PARD3B: variants seen among roughly 807,000 people sequenced by gnomAD.
PARD3B encodes partitioning defective 3 homolog B.
A neutral mutation model predicts 130.2 loss-of-function variants in PARD3B; 103 were observed. The observed-to-expected ratio is 0.79, with a 90% confidence interval of 0.67 to 0.93. The LOEUF is 0.93. Ranked by LOEUF, PARD3B falls within the 40% of genes least tolerant of loss-of-function variation. The pLI is 0.00. For synonymous variants in PARD3B, 583 were observed against 553.2 expected (o/e 1.05, Z -0.76); for missense variants, 1,609 against 1,499.2 (o/e 1.07, Z -1.21).
chr2:204,615,758 T>C (rs1402905627), intron 1 of PARD3B, among the ~76,000 whole-genome samples: 5 of 152,204 alleles, frequency 3.3e-5, no homozygotes, highest in Non-Finnish European at 5.9e-5. Flanking sequence ...ATGAAAAAAC[T>C]ACTGGTTCAG....
At chr2:204,613,164 TA>T (rs1171711866) in intron 1 of PARD3B, among the ~76,000 whole-genome samples, 7 of 147,820 alleles carry the variant, frequency 4.7e-5, no homozygotes, top group Non-Finnish European at 9.1e-5. Flanking sequence ...TCTCAGGAGA[TA>T]TATTTTTTTT....
chr2:205,115,356 T>C (rs967639873), intron 6 of PARD3B, among the ~76,000 whole-genome samples: 8 of 152,110 alleles, frequency 5.3e-5, no homozygotes, highest in African/African-American at 1.9e-4. Flanking sequence ...TCCCCTAAAC[T>C]TGCCCCTTTT....
rs145718561 is a variant in PARD3B at position 204,822,732 on chromosome 2, G to A, written c.222+136450G>A. Among the ~76,000 whole-genome samples, 66 of 152,252 alleles carry A rather than the reference G, an allele frequency of 4.3e-4. 1 individual carries two copies. The highest frequency in any genetic ancestry group is 6.8e-3 in the Middle Eastern group (2 of 294). On this transcript the variant is annotated intron_variant, in intron 2 of 22. Coordinates refer to ENST00000406610, the MANE Select transcript of PARD3B (RefSeq NM_001302769.2). ...TAAAAGGTGTCCCATGCTGTGAAAT[G>A]TGGAACATATTTTTCCTACTTACTT...
chr2:205,390,069 A>G (rs936678471), intron 18 of PARD3B, among the ~76,000 whole-genome samples: 2 of 151,232 alleles, frequency 1.3e-5, no homozygotes, highest in African/African-American at 4.9e-5. Flanking sequence ...AAGAATTAAT[A>G]TAATAACTCT....
intron 2 of PARD3B, among the ~76,000 whole-genome samples, chr2:204,909,128 T>A (rs2047141625): frequency 6.6e-6 from 1 of 152,118 alleles, no homozygotes. Flanking sequence ...ACCATGCAGA[T>A]CATCAACCTT....
intron 16 of PARD3B, among the ~76,000 whole-genome samples, chr2:205,257,006 C>G (rs897594952): frequency 2.6e-5 from 4 of 152,000 alleles, no homozygotes; most frequent in African/African-American, 4.8e-5. Flanking sequence ...AAAACTTAGT[C>G]CTAGTAATTT....
chr2:205,430,395 A>C (rs849243), intron 19 of PARD3B, among the ~76,000 whole-genome samples: 140,313 of 152,254 alleles, frequency 0.92, 64,794 homozygotes, highest in East Asian at 0.99. Flanking sequence ...AAGCCTCCAG[A>C]TGCACTGTCC....
rs565058835 is a variant in PARD3B at position 205,175,671 on chromosome 2, TA to T, written c.1792-773del. Among the ~76,000 whole-genome samples the T allele has an allele frequency of 1.7e-4, 26 of 152,280 alleles. No homozygotes were observed. The South Asian group carries it at 5.2e-3, about 30-fold the overall frequency. ...AATCATTTACCTCCTTAAAATCTGTTATTGAGACAAATAATACGAACAAGAG... is the reference window on the plus strand; with the variant it reads ...AATCATTTACCTCCTTAAAATCTGTTTTGAGACAAATAATACGAACAAGAG... On this transcript the variant is annotated intron_variant, in intron 12 of 22. Coordinates refer to ENST00000406610, the MANE Select transcript of PARD3B (RefSeq NM_001302769.2).
At chr2:205,257,396 T>C (rs2040135729) in intron 16 of PARD3B, among the ~76,000 whole-genome samples, 1 of 152,066 alleles carries the variant, frequency 6.6e-6, no homozygotes. Flanking sequence ...AGTTTGGTTT[T>C]AGTTTTGTAA....
At chr2:205,408,732 T>C (rs2046494705) in intron 19 of PARD3B, among the ~76,000 whole-genome samples, 1 of 152,202 alleles carries the variant, frequency 6.6e-6, no homozygotes, top group Non-Finnish European at 1.5e-5. Flanking sequence ...ATTTAAACTG[T>C]TGAAAACACC....
intron 18 of PARD3B, among the ~76,000 whole-genome samples, chr2:205,306,960 G>A (rs762136018): frequency 3.8e-4 from 58 of 152,314 alleles, no homozygotes; most frequent in Middle Eastern, 3.4e-3. Flanking sequence ...TTTTAAGTAT[G>A]TATTATTTTT....
At chr2:205,184,507 C>T (rs989835560) in intron 13 of PARD3B, among the ~76,000 whole-genome samples, 10 of 152,056 alleles carry the variant, frequency 6.6e-5, no homozygotes, top group Non-Finnish European at 1.3e-4. Flanking sequence ...CTTTGGGAGG[C>T]GGAGATGAGT....
chr2:204,916,635 A>G (rs2047456190), intron 2 of PARD3B, among the ~76,000 whole-genome samples: 1 of 152,154 alleles, frequency 6.6e-6, no homozygotes, highest in Non-Finnish European at 1.5e-5. Flanking sequence ...TTCATTGTCT[A>G]AAGATGTAGT....
At chr2:205,354,026 CTT>C (rs869308018) in intron 18 of PARD3B, among the ~76,000 whole-genome samples, 12 of 50,354 alleles carry the variant, frequency 2.4e-4, no homozygotes, top group Admixed American at 1.1e-3. Context: ...TTTTCTTTTC[CTT>C]TTTTTTTTTT....
chr2:205,106,189 C>G (rs1703196485), intron 5 of PARD3B, among the ~76,000 whole-genome samples: 1 of 151,410 alleles, frequency 6.6e-6, no homozygotes, highest in Admixed American at 6.6e-5. Context: ...CTCTTGTTAC[C>G]CAGGCTGGAG....
intron 1 of PARD3B, among the ~76,000 whole-genome samples, chr2:204,637,155 T>A (rs1449419864): frequency 6.6e-6 from 1 of 152,178 alleles, no homozygotes; most frequent in East Asian, 1.9e-4. Context: ...TTTACCCTCA[T>A]ATCCTCAGAA....
chr2:204,649,838 C>T lies in PARD3B; in HGVS notation c.121-36343C>T, dbSNP rs182872872. ...GGAAGACAACCTAGGCAATACTGCT[C>T]TGGACTTAGGAATGGGCAAAGAGTT... On this transcript the variant is annotated intron_variant, in intron 1 of 22. Coordinates refer to ENST00000406610, the MANE Select transcript of PARD3B (RefSeq NM_001302769.2). Among the ~76,000 whole-genome samples, 117 of 152,306 alleles carry T rather than the reference C, an allele frequency of 7.7e-4. 1 individual carries two copies. Among genetic ancestry groups the T allele is most frequent in the African/African-American group, 2.7e-3 (114 of 41,568 alleles).
rs1329311198 is a variant in PARD3B at position 204,943,624 on chromosome 2, T to G, written c.223-21528T>G. 6.6e-6 allele frequency among the ~76,000 whole-genome samples: 1 copy of G among 152,242 alleles called. No homozygotes were observed. The highest frequency in any genetic ancestry group is 1.9e-4 in the East Asian group (1 of 5,194). On this transcript the variant is annotated intron_variant, in intron 2 of 22. Transcript: ENST00000406610. This position sits in a 1 kb window ranked among gnomAD's most constrained non-coding sequence, Gnocchi z 4.2. ...GGAAGATTTCTTAAGTTACCCAGTT[T>G]GGAATTTATTTTGTTTTATTGTATT...
chr2:204,661,574 G>A (rs1274053472), intron 1 of PARD3B, among the ~76,000 whole-genome samples: 1 of 152,162 alleles, frequency 6.6e-6, no homozygotes. Flanking sequence ...TTGTTCACAG[G>A]ACCTCTTTGC....
Sources: gnomAD v4.1 joint callset for allele counts (sites outside exome capture counted in the v4.1 genomes callset) on GRCh38, gnomAD v4.1.1 for gene constraint, Gnocchi (gnomAD v3.1) non-coding constraint, MANE v1.5 for transcripts, NCBI Gene and HGNC (gene_info 2026-07-23, HGNC 2026-07-21) for gene names.